Variants in GRK5 observed in about 807,000 individuals in gnomAD.
The protein encoded by GRK5 is G protein-coupled receptor kinase 5, also known as g protein-coupled receptor kinase GRK5.
In GRK5, 40 loss-of-function variants were observed where a neutral mutation model predicts 78.4. The observed-to-expected ratio is 0.51, with a 90% CI of 0.40 to 0.66. GRK5 has a LOEUF of 0.66. Ranked by LOEUF, GRK5 falls within the 30% of genes least tolerant of loss-of-function variation. The pLI is 0.00. For missense variants in GRK5, 598 were observed against 759.9 expected (o/e 0.79, Z 2.50); for synonymous variants, 289 against 296.8 (o/e 0.97, Z 0.27).
intron 1 of GRK5, among the ~76,000 whole-genome samples, chr10:119,209,848 G>A (rs1046919423): frequency 5.0e-4 from 76 of 152,242 alleles, no homozygotes; most frequent in African/African-American, 1.8e-3. Flanking sequence ...ATATTTGTTT[G>A]CCTGATAGAT....
At chr10:119,255,068 CAG>C (rs5788338) in intron 1 of GRK5, among the ~76,000 whole-genome samples, 12,689 of 143,896 alleles carry the variant, frequency 0.088, 609 homozygotes, top group Admixed American at 0.15. Context: ...GAAGGAAAAA[CAG>C]AGTAGAGCAG....
chr10:119,334,032 G>C (rs563601473), intron 2 of GRK5, among the ~76,000 whole-genome samples: 2 of 152,342 alleles, frequency 1.3e-5, no homozygotes, highest in South Asian at 4.1e-4. Context: ...AGCAGCATGA[G>C]TGGGTGGATG....
At chr10:119,256,998 A>G (rs931254835) in intron 1 of GRK5, among the ~76,000 whole-genome samples, 12 of 152,190 alleles carry the variant, frequency 7.9e-5, no homozygotes, top group Admixed American at 3.3e-4. Context: ...GGCTTTTTGT[A>G]TCTGGTTAAT....
At position 119,380,811 on chromosome 10, in the gene GRK5, C is replaced by T. The variant is rs776286169; in HGVS notation, c.149-4C>T. 3.8e-6 allele frequency: 6 copies of T among 1,592,090 alleles called. No individual in the cohort carries two copies. The highest frequency in any genetic ancestry group is 5.2e-6 in the Non-Finnish European group (6 of 1,160,496). On this transcript the variant is annotated splice_polypyrimidine_tract_variant and splice_region_variant and intron_variant, in intron 2 of 15. Transcript: ENST00000392870. ...TCATCACATTCTTCTTTTCTTGTCTCCAGACAGAGATTACTGCAGTTTATG... is the reference window on the plus strand; with the variant it reads ...TCATCACATTCTTCTTTTCTTGTCTTCAGACAGAGATTACTGCAGTTTATG...
intron 1 of GRK5, among the ~76,000 whole-genome samples, chr10:119,224,058 G>A (rs561072553): frequency 8.5e-5 from 13 of 152,296 alleles, no homozygotes; most frequent in Admixed American, 8.5e-4. Flanking sequence ...CTACTCCCAA[G>A]CCAGGAAGAT....
intron 1 of GRK5, among the ~76,000 whole-genome samples, chr10:119,265,926 T>C (rs535132167): frequency 3.3e-5 from 5 of 152,132 alleles, no homozygotes; most frequent in Admixed American, 6.6e-5. Context: ...GGGATCTGCG[T>C]TGGGTCCTGC....
intron 1 of GRK5, among the ~76,000 whole-genome samples, chr10:119,261,504 G>A (rs1304049978): frequency 6.6e-6 from 1 of 151,768 alleles, no homozygotes; most frequent in Admixed American, 6.6e-5. Context: ...GGTGGCGGCC[G>A]GGCAGAGGCT....
chr10:119,354,749 G>C (rs1272094839), intron 2 of GRK5, among the ~76,000 whole-genome samples: 1 of 152,150 alleles, frequency 6.6e-6, no homozygotes, highest in African/African-American at 2.4e-5. Flanking sequence ...TCCTTGAAGA[G>C]CACAGGTTTG....
chr10:119,395,029 T>C (rs554367181), intron 3 of GRK5, among the ~76,000 whole-genome samples: 4 of 148,432 alleles, frequency 2.7e-5, no homozygotes, highest in African/African-American at 9.8e-5. Flanking sequence ...GGAGTTGACC[T>C]CTGGGGAGAG....
At chr10:119,409,253 C>T (rs1364322493) in intron 4 of GRK5, among the ~76,000 whole-genome samples, 2 of 152,246 alleles carry the variant, frequency 1.3e-5, no homozygotes, top group African/African-American at 4.8e-5. Flanking sequence ...CACCCCTCAC[C>T]AACCTTTCCT....
intron 4 of GRK5, among the ~76,000 whole-genome samples, chr10:119,400,678 G>A (rs1353345845): frequency 6.6e-6 from 1 of 152,196 alleles, no homozygotes; most frequent in Non-Finnish European, 1.5e-5. Flanking sequence ...GGTGGCAGCA[G>A]TGTGGAGTTG....
At chr10:119,273,778 A>G (rs1046157347) in intron 1 of GRK5, among the ~76,000 whole-genome samples, 2 of 151,700 alleles carry the variant, frequency 1.3e-5, no homozygotes, top group African/African-American at 4.8e-5. Context: ...CCTCAATCCT[A>G]TGTGTTCTTT....
intron 1 of GRK5, among the ~76,000 whole-genome samples, chr10:119,261,499 C>T (rs1366214290): frequency 4.2e-4 from 64 of 152,000 alleles, no homozygotes; most frequent in Non-Finnish European, 6.3e-4. Flanking sequence ...GACGGGGTGG[C>T]GGCCGGGCAG....
At chr10:119,407,705 G>A (rs1348034181) in intron 4 of GRK5, among the ~76,000 whole-genome samples, 1 of 152,222 alleles carries the variant, frequency 6.6e-6, no homozygotes, top group African/African-American at 2.4e-5. Flanking sequence ...GAGTTCTTTA[G>A]CTCATAATGG....
chr10:119,316,255 T>A (rs1313377510), intron 1 of GRK5, among the ~76,000 whole-genome samples: 2 of 152,214 alleles, frequency 1.3e-5, no homozygotes, highest in Admixed American at 1.3e-4. Flanking sequence ...TAGAGTCACC[T>A]GTGACATGTG....
chr10:119,348,028 GC>G (rs1187237151), intron 2 of GRK5, among the ~76,000 whole-genome samples: 17 of 152,218 alleles, frequency 1.1e-4, no homozygotes, highest in Admixed American at 8.5e-4. Context: ...TGTTGTTCTA[GC>G]CCTTCTGTCT....
Position 119,444,469 on chromosome 10 carries a change from A to G in GRK5, c.1266+717A>G, listed in dbSNP as rs72839227. On this transcript the variant is annotated intron_variant, in intron 12 of 15. Coordinates refer to ENST00000392870, the MANE Select transcript of GRK5 (RefSeq NM_005308.3). ...GCCCTCAGGCCCTTCCCTGGGAACC[A>G]GGACTAGTGGCTGGCTTTGTGGGGA... Among the ~76,000 whole-genome samples, 222 of 152,266 alleles carry G rather than the reference A, an allele frequency of 1.5e-3. No individual in the cohort carries two copies. The Middle Eastern group carries it at 0.017, about 12-fold the overall frequency.
chr10:119,413,249 G>A (rs1001429278), intron 4 of GRK5, among the ~76,000 whole-genome samples: 18 of 151,874 alleles, frequency 1.2e-4, no homozygotes, highest in Non-Finnish European at 2.2e-4. Context: ...CCTCCATCTG[G>A]TTTTAATTAA....
chr10:119,346,880 C>T (rs1023840192), intron 2 of GRK5, among the ~76,000 whole-genome samples: 1 of 152,192 alleles, frequency 6.6e-6, no homozygotes, highest in African/African-American at 2.4e-5. Flanking sequence ...GCTGGACAGG[C>T]CTCCTCTCGG....
Sources: gnomAD v4.1 joint callset for allele counts (sites outside exome capture counted in the v4.1 genomes callset) on GRCh38, gnomAD v4.1.1 for gene constraint, MANE v1.5 for transcripts, NCBI Gene and HGNC (gene_info 2026-07-23, HGNC 2026-07-21) for gene names.